The following SGSM1 variants were observed in gnomAD, a reference collection of about 807,000 sequenced individuals.
The protein encoded by SGSM1 is RUN and TBC1 domain containing 2.
Under a neutral mutation model 133.8 loss-of-function variants are expected in SGSM1, and 73 were observed. That is an observed-to-expected ratio of 0.55 (90% CI 0.45 to 0.66). The LOEUF is 0.66. Among genes scored for constraint, SGSM1 ranks in the 30% least tolerant of loss-of-function variants. SGSM1 has a pLI of 0.00. For synonymous variants in SGSM1, 563 were observed against 573.0 expected (o/e 0.98, Z 0.25); for missense variants, 1,213 against 1,448.1 (o/e 0.84, Z 2.64).
chr22:24,878,466 C>T (rs1424776474), intron 13 of SGSM1, among the ~76,000 whole-genome samples: 1 of 152,152 alleles, frequency 6.6e-6, no homozygotes, highest in Non-Finnish European at 1.5e-5. Context: ...AAGGGGAACT[C>T]TTTACTGTTT....
chr22:24,894,702 G>C (rs769207116), intron 17 of SGSM1, among the ~76,000 whole-genome samples: 2 of 152,156 alleles, frequency 1.3e-5, no homozygotes, highest in African/African-American at 4.8e-5. Context: ...GTGCTCTCAC[G>C]GTGAAAGCAG....
chr22:24,908,814 AG>A lies in SGSM1; in HGVS notation c.2818+3628del, dbSNP rs200573421. 8.5e-3 allele frequency among the ~76,000 whole-genome samples: 1,261 copies of A among 147,786 alleles called. 32 individuals carry two copies. The highest frequency in any genetic ancestry group is 0.027 in the African/African-American group (1,054 of 38,864). ...GAGACTCCATCTCAAAAAAAAAAAA[AG>A]AAAGAAAGACAACCTGATTAAAGTG... is the stretch of plus-strand genomic sequence containing the variant. On this transcript the variant is annotated intron_variant, in intron 21 of 24. Transcript: ENST00000400358.
At position 24,886,665 on chromosome 22, in the gene SGSM1, G is replaced by A; in HGVS notation, c.1707G>A (p.Lys569=). The change falls in exon 16 of 25, where the codon AAG becomes AAA. Residue 569 remains lysine (K), a synonymous_variant. Transcript: ENST00000400358. The part of the protein sequence containing the change: ...YYGGIQPEIR[K]AVWPFLLGHY... Reference sequence around the variant, plus strand: ...GGGGCATCCAGCCTGAGATCCGCAAGGCCGTGTGGCCCTTCCTCCTGGGCC... The same window carrying A: ...GGGGCATCCAGCCTGAGATCCGCAAAGCCGTGTGGCCCTTCCTCCTGGGCC... 1.9e-6 allele frequency: 3 copies of A among 1,566,902 alleles called. No individual in the cohort carries two copies. Among genetic ancestry groups the A allele is most frequent in the Non-Finnish European group, 2.6e-6 (3 of 1,156,174 alleles).
intron 2 of SGSM1, among the ~76,000 whole-genome samples, chr22:24,841,176 A>G (rs960320050): frequency 2.6e-5 from 4 of 152,228 alleles, no homozygotes; most frequent in Non-Finnish European, 5.9e-5. Context: ...TTATCTCAAT[A>G]TATTTTCTAA....
At chr22:24,899,359 C>T (rs1176763813) in intron 19 of SGSM1, among the ~76,000 whole-genome samples, 1 of 152,086 alleles carries the variant, frequency 6.6e-6, no homozygotes, top group Non-Finnish European at 1.5e-5. Flanking sequence ...TGATGCCCTC[C>T]ACTCCACTGC....
chr22:24,812,177 GAAAA>G (rs60027692), intron 2 of SGSM1, among the ~76,000 whole-genome samples: 1 of 105,790 alleles, frequency 9.5e-6, no homozygotes, highest in Non-Finnish European at 2.1e-5. Flanking sequence ...CTCAAAAAAA[GAAAA>G]AAAAAAAGAA....
intron 12 of SGSM1, among the ~76,000 whole-genome samples, chr22:24,872,254 G>A (rs112613249): frequency 2.6e-5 from 4 of 152,254 alleles, no homozygotes; most frequent in African/African-American, 7.2e-5. Context: ...ACCTGTCTCC[G>A]CTGGGTTCTT....
At chr22:24,855,790 T>C in intron 8 of SGSM1, 110 bp downstream of exon 8, 3 of 1,531,996 alleles carry the variant, frequency 2.0e-6, no homozygotes, top group Non-Finnish European at 2.7e-6. Flanking sequence ...ATTTATGCAC[T>C]CACCCATGCA....
chr22:24,829,040 A>C (rs1928958406), intron 2 of SGSM1, among the ~76,000 whole-genome samples: 1 of 151,910 alleles, frequency 6.6e-6, no homozygotes. Flanking sequence ...AAAAATACAA[A>C]AAAAAATTAG....
intron 16 of SGSM1, among the ~76,000 whole-genome samples, chr22:24,891,397 C>T (rs994000029): frequency 6.6e-6 from 1 of 152,010 alleles, no homozygotes; most frequent in African/African-American, 2.4e-5. Flanking sequence ...GACAAAGTAT[C>T]GAGAAGTGTG....
intron 19 of SGSM1, among the ~76,000 whole-genome samples, chr22:24,900,400 T>TTTCC (rs1216622206): frequency 5.2e-5 from 4 of 76,828 alleles, no homozygotes; most frequent in Non-Finnish European, 1.2e-4. Flanking sequence ...TCTTTCTTTC[T>TTTCC]TTCTTTCTGT....
rs1555927839 is a variant in SGSM1, at chr22:24,868,514, C to T, written c.1133C>T (p.Pro378Leu). 1 of 1,613,916 alleles carries T rather than the reference C, an allele frequency of 6.2e-7. No homozygotes were observed. Among genetic ancestry groups the T allele is most frequent in the Non-Finnish European group, 8.5e-7 (1 of 1,179,886 alleles). Residue 378 changes from proline to leucine, a missense_variant, in exon 11 of 25, where the codon CCG becomes CTG. By Grantham distance (98) the Pro-to-Leu change is moderately conservative. Transcript: ENST00000400358. ...NGLLPHGQLD[P>L]PLWSQRGKGK... Reference sequence around the variant, plus strand: ...CTGCTCCCACATGGGCAGTTGGACCCGCCACTGTGGTCCCAGAGGGGTAAG... The same window carrying T: ...CTGCTCCCACATGGGCAGTTGGACCTGCCACTGTGGTCCCAGAGGGGTAAG...
At chr22:24,806,404 C>T in intron 1 of SGSM1, 37 bp from the exon 2 acceptor site, 1 of 1,521,250 alleles carries the variant, frequency 6.6e-7, no homozygotes, top group Non-Finnish European at 8.8e-7. Flanking sequence ...CGCACCCTCT[C>T]TCGGCTGACC....
At chr22:24,867,190 C>T (rs1347390658) in intron 10 of SGSM1, 30 bp downstream of exon 10, 16 of 1,607,254 alleles carry the variant, frequency 1.0e-5, no homozygotes, top group African/African-American at 2.7e-5. Context: ...GAGGGGTCTG[C>T]GTATTCCTCT....
rs1930709521 is a variant in SGSM1 at position 24,855,384 on chromosome 22, G to A, written c.623G>A (p.Ser208Asn). The change falls in exon 7 of 25, where the codon AGC becomes AAC. Residue 208 changes from serine (S) to asparagine (N), a missense_variant. By Grantham distance (46) the Ser-to-Asn change is conservative. Coordinates refer to ENST00000400358, the MANE Select transcript of SGSM1 (RefSeq NM_001098497.3). ...DELVQRHRIH[S>N]SHVRQDSPTK... The stretch of plus-strand genomic sequence containing the variant: ...CTTGTCCAGAGGCACCGCATCCACA[G>A]CTCCCACGTGCGGCAGGACTCGCCC... 6.2e-7 allele frequency: 1 copy of A among 1,613,610 alleles called. No individual in the cohort carries two copies. Among genetic ancestry groups the A allele is most frequent in the Non-Finnish European group, 8.5e-7 (1 of 1,179,796 alleles).
At chr22:24,861,081 G>A (rs1931123431) in intron 9 of SGSM1, among the ~76,000 whole-genome samples, 1 of 150,618 alleles carries the variant, frequency 6.6e-6, no homozygotes, top group Middle Eastern at 3.5e-3. Flanking sequence ...TAGGCTGGGC[G>A]CGGTGGCTCA....
At chr22:24,880,485 G>A (rs1350535806) in intron 14 of SGSM1, among the ~76,000 whole-genome samples, 1 of 152,140 alleles carries the variant, frequency 6.6e-6, no homozygotes, top group Admixed American at 6.5e-5. Context: ...GCCTAGATGG[G>A]GAAGATAAAA....
chr22:24,863,359 A>T (rs1931265141), intron 9 of SGSM1, among the ~76,000 whole-genome samples: 1 of 152,114 alleles, frequency 6.6e-6, no homozygotes, highest in South Asian at 2.1e-4. Flanking sequence ...GGGTTTCACC[A>T]TGTTGGCCAG....
At chr22:24,834,635 G>T (rs1293248873) in intron 2 of SGSM1, among the ~76,000 whole-genome samples, 1 of 152,140 alleles carries the variant, frequency 6.6e-6, no homozygotes, top group Non-Finnish European at 1.5e-5. Flanking sequence ...GTGTCTACAG[G>T]ACCACTTCCT....
Sources: gnomAD v4.1 joint callset for allele counts (sites outside exome capture counted in the v4.1 genomes callset) on GRCh38, gnomAD v4.1.1 for gene constraint, MANE v1.5 for transcripts, NCBI Gene and HGNC (gene_info 2026-07-23, HGNC 2026-07-21) for gene names.